The following GARNL3 variants were observed in gnomAD, a reference collection of about 807,000 sequenced individuals.
GARNL3 encodes GTPase activating Rap/RanGAP domain like 3.
GARNL3 carries 63 observed loss-of-function variants against 125.0 expected under a neutral mutation model. The ratio of observed to expected loss-of-function variants is 0.50; its 90% CI spans 0.41 to 0.62. The LOEUF is 0.62. Among genes scored for constraint, GARNL3 ranks in the 20% least tolerant of loss-of-function variants. The pLI is 0.00. For missense variants in GARNL3, 994 were observed against 1,244.0 expected, an observed-to-expected ratio of 0.80 and a Z score of 3.02; for synonymous variants, 439 against 457.5, an observed-to-expected ratio of 0.96 and a Z score of 0.52.
At chr9:127,304,131 G>C (rs1215497314) in intron 2 of GARNL3, among the ~76,000 whole-genome samples, 1 of 152,170 alleles carries the variant, frequency 6.6e-6, no homozygotes, top group African/African-American at 2.4e-5. Flanking sequence ...TAACTTTCTA[G>C]TTGATGTCAA....
chr9:127,357,986 A>G (rs1830778930), intron 21 of GARNL3, among the ~76,000 whole-genome samples: 1 of 152,152 alleles, frequency 6.6e-6, no homozygotes, highest in African/African-American at 2.4e-5. Context: ...TAGGAAAGGA[A>G]GAAGGGGTGG....
chr9:127,369,103 T>G (rs1047779866), intron 22 of GARNL3: 4 of 145,676 alleles, frequency 2.7e-5, no homozygotes, highest in African/African-American at 1.0e-4. Flanking sequence ...GCTTTTTTAT[T>G]AAATGGTGTT....
chr9:127,345,421 A>G lies in GARNL3; in HGVS notation c.1375A>G (p.Ile459Val), dbSNP rs758695206. 7 of 1,606,684 alleles carry G rather than the reference A, an allele frequency of 4.4e-6. No homozygotes were observed. Among genetic ancestry groups the G allele is most frequent in the South Asian group, 1.1e-5 (1 of 89,420 alleles). ...CTGTAAGGCACTAAAACTGAAATCC[A>G]TTGTGAGAGGGGATGCTCCATCAAG... ...RIGQALKLKS[I>V]VRGDAPSSLA... is the part of the protein sequence containing the mutation. The change falls in exon 16 of 28, where the codon ATT (isoleucine) becomes GTT (valine). Residue 459 changes from isoleucine (I) to valine (V), a missense_variant. Physicochemically the swap from Ile to Val is conservative, Grantham distance 29. Transcript: ENST00000373387.
chr9:127,246,842 C>T (rs1364870113), intron 2 of GARNL3, among the ~76,000 whole-genome samples: 1 of 150,648 alleles, frequency 6.6e-6, no homozygotes, highest in Non-Finnish European at 1.5e-5. Context: ...AAGAAGGGTA[C>T]AGTAACATCT....
chr9:127,386,951 T>C (rs532914636), intron 24 of GARNL3, among the ~76,000 whole-genome samples: 2 of 152,348 alleles, frequency 1.3e-5, no homozygotes, highest in East Asian at 1.9e-4. Flanking sequence ...CTGTTTTCTA[T>C]TGTGGATCAA....
chr9:127,291,834 G>A (rs1248130395), intron 2 of GARNL3, among the ~76,000 whole-genome samples: 1 of 145,010 alleles, frequency 6.9e-6, no homozygotes, highest in African/African-American at 2.6e-5. Context: ...CTTCTTTGCT[G>A]CCTTTTTACA....
Position 127,336,171 on chromosome 9 carries a change from T to C in GARNL3, c.917T>C (p.Val306Ala), listed in dbSNP as rs1829544454. The C allele has an allele frequency of 6.2e-7, 1 of 1,614,072 alleles. No homozygotes were observed. Among genetic ancestry groups the C allele is most frequent in the Non-Finnish European group, 8.5e-7 (1 of 1,179,996 alleles). The stretch of plus-strand genomic sequence containing the variant: ...ATTGGAAACGATATCGTCACCATTG[T>C]GTTCCAAGAAGGAGAGGAATCTTCT... ...RHIGNDIVTI[V>A]FQEGEESSPA... Residue 306 changes from valine (V) to alanine (A), a missense_variant, in exon 11 of 28, where the codon GTG (valine) becomes GCG (alanine). Transcript: ENST00000373387.
intron 4 of GARNL3, among the ~76,000 whole-genome samples, chr9:127,315,902 C>T (rs936352463): frequency 6.6e-6 from 1 of 152,244 alleles, no homozygotes. Context: ...CCTGCACACA[C>T]ACACCTGTTA....
At chr9:127,225,505 C>A in intron 1 of GARNL3, 2 of 433,366 alleles carry the variant, frequency 4.6e-6, no homozygotes, top group Non-Finnish European at 6.1e-6. Context: ...TGGGAAGGGT[C>A]TGCGGAGGTT....
rs145027408 is a variant in GARNL3 at position 127,353,895 on chromosome 9, A to C, written c.1593A>C (p.Gln531His). Reference sequence around the variant, plus strand: ...TTGACAGAACTCTGCCAGTGAAGCAAATGCATGTGCTTGAGACCCTGGACC... The same window carrying C: ...TTGACAGAACTCTGCCAGTGAAGCACATGCATGTGCTTGAGACCCTGGACC... Reference protein sequence around the residue: ...PVFDRTLPVKQMHVLETLDLL... With the variant: ...PVFDRTLPVKHMHVLETLDLL... Residue 531 changes from glutamine to histidine, a missense_variant, in exon 18 of 28, where the codon CAA (glutamine) becomes CAC (histidine). Around this residue, in one of 5 missense-constraint regions of GARNL3, gnomAD observed 728 missense variants for 865.7 expected, o/e 0.84. Coordinates refer to ENST00000373387, the MANE Select transcript of GARNL3 (RefSeq NM_032293.5). 3 of 1,613,606 alleles carry C rather than the reference A, an allele frequency of 1.9e-6. No homozygotes were observed. Among genetic ancestry groups the C allele is most frequent in the African/African-American group, 2.7e-5 (2 of 74,902 alleles).
intron 16 of GARNL3, among the ~76,000 whole-genome samples, chr9:127,346,554 T>G (rs545279245): frequency 1.3e-5 from 2 of 152,288 alleles, no homozygotes; most frequent in South Asian, 4.1e-4. Context: ...AGATACCAGA[T>G]TCCAGTAAGA....
chr9:127,387,070 G>A lies in GARNL3; in HGVS notation c.2389-123G>A, dbSNP rs1433932796. The A allele has an allele frequency of 7.2e-5, 74 of 1,027,828 alleles. 1 individual carries two copies. The South Asian group carries it at 9.8e-4, about 14-fold the overall frequency. 63.7% of individuals were successfully genotyped at this position (1,027,828 alleles called of 1,614,324 possible). On this transcript the variant is annotated intron_variant, in intron 24 of 27. Transcript: ENST00000373387. ...TCTCCATCCCTCGCCCCGGCATCCC[G>A]CACTGCACTGTATGCTCCAAGGATG...
intron 22 of GARNL3, among the ~76,000 whole-genome samples, chr9:127,379,888 T>TGGG (rs1832144900): frequency 6.6e-6 from 1 of 152,140 alleles, no homozygotes; most frequent in African/African-American, 2.4e-5. Flanking sequence ...ACCAAAATGC[T>TGGG]ATCAGTACTG....
Position 127,288,608 on chromosome 9 carries a change from T to C in GARNL3, c.145-2560T>C, listed in dbSNP as rs575637500. ...TTAGCATGAGCTCTGTCTTTATGGA[T>C]TTCATGAGTTCAAAGGGAGCTGAAT... On this transcript the variant is annotated intron_variant, in intron 1 of 27. Transcript: ENST00000373387. Among the ~76,000 whole-genome samples, 232 of 152,298 alleles carry C rather than the reference T, an allele frequency of 1.5e-3. 3 individuals are homozygous for C. Among genetic ancestry groups the C allele is most frequent in the Non-Finnish European group, 1.3e-4 (9 of 68,026 alleles).
chr9:127,337,272 T>A (rs566327544), intron 11 of GARNL3, among the ~76,000 whole-genome samples: 1 of 152,308 alleles, frequency 6.6e-6, no homozygotes, highest in East Asian at 1.9e-4. Flanking sequence ...ACAGAAAACT[T>A]CTCCAAATTC....
In GARNL3 at chr9:127,280,043, A is replaced by G. The variant is rs968538733; in HGVS notation, c.145-11125A>G. Among the ~76,000 whole-genome samples the G allele has an allele frequency of 6.6e-6, 1 of 152,206 alleles. No individual in the cohort carries two copies. Among genetic ancestry groups the G allele is most frequent in the Non-Finnish European group, 1.5e-5 (1 of 68,036 alleles). On this transcript the variant is annotated intron_variant, in intron 1 of 27. Transcript: ENST00000373387. The surrounding 1 kb of genome is among the most constrained non-coding windows in gnomAD (Gnocchi z 4.5). ...GTACCAGCGGCTCTAGAATTTATAC[A>G]TAACAGGGGCTTAGGAACTACCAGT...
intron 1 of GARNL3, among the ~76,000 whole-genome samples, chr9:127,284,676 T>C (rs2064196577): frequency 6.6e-6 from 1 of 152,070 alleles, no homozygotes; most frequent in Non-Finnish European, 1.5e-5. Context: ...TGTTTTCATA[T>C]GTACTGTTCT....
intron 16 of GARNL3, among the ~76,000 whole-genome samples, chr9:127,348,688 G>A (rs1284402345): frequency 2.6e-5 from 4 of 152,164 alleles, no homozygotes; most frequent in Admixed American, 6.5e-5. Context: ...TACAGAGACA[G>A]GTTATGGTGC....
At chr9:127,389,177 T>C (rs533394857) in intron 26 of GARNL3, 58 bp downstream of exon 26, 1 of 1,256,592 alleles carries the variant, frequency 8.0e-7, no homozygotes, top group Non-Finnish European at 1.2e-6. Flanking sequence ...GGTTTTATCT[T>C]TGGATATGAA....
Sources: gnomAD v4.1 joint callset for allele counts (sites outside exome capture counted in the v4.1 genomes callset) on GRCh38, gnomAD v4.1.1 for gene constraint, gnomAD v4.1.1 regional missense constraint, Gnocchi (gnomAD v3.1) non-coding constraint, MANE v1.5 for transcripts, NCBI Gene and HGNC (gene_info 2026-07-23, HGNC 2026-07-21) for gene names.